The following NRG3 variants were observed in gnomAD, a reference collection of about 807,000 sequenced individuals.
NRG3 encodes the protein pro-neuregulin-3, membrane-bound isoform.
In NRG3, 31 loss-of-function variants were observed where a neutral mutation model predicts 66.9. That is an observed-to-expected ratio of 0.46 (90% CI 0.35 to 0.63). The LOEUF (loss-of-function observed/expected upper bound fraction) is 0.63. Among genes scored for constraint, NRG3 ranks in the 20% least tolerant of loss-of-function variants. NRG3 has a pLI of 0.00. For synonymous variants in NRG3, 393 were observed against 359.4 expected, an observed-to-expected ratio of 1.09 and a Z score of -1.06; for missense variants, 910 against 878.9, an observed-to-expected ratio of 1.04 and a Z score of -0.45.
chr10:82,917,757 G>C (rs1454506274), intron 4 of NRG3, among the ~76,000 whole-genome samples: 1 of 151,900 alleles, frequency 6.6e-6, no homozygotes, highest in East Asian at 1.9e-4. Flanking sequence ...TTGGAGCTAG[G>C]AGCTTGGCTG....
chr10:82,121,868 G>A (rs1039995764), intron 1 of NRG3, among the ~76,000 whole-genome samples: 1 of 151,934 alleles, frequency 6.6e-6, no homozygotes, highest in Non-Finnish European at 1.5e-5. Flanking sequence ...AAACCCCTGG[G>A]CTCCAGCAAT....
chr10:82,442,153 C>T (rs1438069882), intron 2 of NRG3, among the ~76,000 whole-genome samples: 2 of 152,142 alleles, frequency 1.3e-5, no homozygotes, highest in East Asian at 1.9e-4. Flanking sequence ...ATGTGAATTA[C>T]CTTTCCTTCT....
chr10:82,692,249 C>T (rs1565207889), intron 2 of NRG3, among the ~76,000 whole-genome samples: 1 of 85,440 alleles, frequency 1.2e-5, no homozygotes, highest in Non-Finnish European at 2.8e-5. Context: ...GAGATTCCAT[C>T]TCAAAAAAAA....
chr10:82,855,496 C>T (rs1270123643), intron 3 of NRG3, among the ~76,000 whole-genome samples: 1 of 152,096 alleles, frequency 6.6e-6, no homozygotes, highest in Non-Finnish European at 1.5e-5. Flanking sequence ...TTCCCAGGCT[C>T]AAGCCATCCT....
chr10:82,096,512 A>G (rs1408685601), intron 1 of NRG3, among the ~76,000 whole-genome samples: 1 of 152,042 alleles, frequency 6.6e-6, no homozygotes, highest in Non-Finnish European at 1.5e-5. Context: ...CAACCACAAA[A>G]AAAACATGAA....
intron 2 of NRG3, among the ~76,000 whole-genome samples, chr10:82,363,868 A>G (rs1006598292): frequency 1.3e-5 from 2 of 152,226 alleles, no homozygotes; most frequent in Non-Finnish European, 2.9e-5. Flanking sequence ...TATATAAATT[A>G]GAATATATTT....
At chr10:82,663,367 GACAA>G (rs1415744040) in intron 2 of NRG3, among the ~76,000 whole-genome samples, 2 of 152,188 alleles carry the variant, frequency 1.3e-5, no homozygotes, top group African/African-American at 4.8e-5. Flanking sequence ...TTTTGTATGA[GACAA>G]ACAAAAGCAC....
chr10:82,565,552 C>T (rs1196474918), intron 2 of NRG3, among the ~76,000 whole-genome samples: 1 of 152,026 alleles, frequency 6.6e-6, no homozygotes, highest in African/African-American at 2.4e-5. Context: ...TCCAGTGGCC[C>T]ACTTTATGCA....
chr10:82,626,468 C>T (rs922669197), intron 2 of NRG3, among the ~76,000 whole-genome samples: 6 of 152,018 alleles, frequency 3.9e-5, no homozygotes, highest in African/African-American at 1.2e-4. Context: ...TGAAATCACC[C>T]ACATATTGTG....
At chr10:82,029,290 T>A (rs2132858860) in intron 1 of NRG3, among the ~76,000 whole-genome samples, 1 of 152,218 alleles carries the variant, frequency 6.6e-6, no homozygotes, top group South Asian at 2.1e-4. Context: ...TTTAGTTAAC[T>A]TTTCTCTGAA....
chr10:82,564,603 A>G (rs2045270552), intron 2 of NRG3, among the ~76,000 whole-genome samples: 1 of 152,070 alleles, frequency 6.6e-6, no homozygotes, highest in Non-Finnish European at 1.5e-5. Flanking sequence ...TCTTTGAACC[A>G]TAGAGAAAGA....
At chr10:82,276,243 CAA>C (rs1255029455) in intron 1 of NRG3, among the ~76,000 whole-genome samples, 2 of 151,914 alleles carry the variant, frequency 1.3e-5, no homozygotes, top group African/African-American at 4.8e-5. Context: ...AAATACACTA[CAA>C]ATACCTGTTC....
intron 3 of NRG3, among the ~76,000 whole-genome samples, chr10:82,782,080 G>T (rs1164808473): frequency 6.6e-6 from 1 of 152,016 alleles, no homozygotes; most frequent in Non-Finnish European, 1.5e-5. Flanking sequence ...TACTCTCTTT[G>T]CTTGAAACAC....
chr10:82,646,740 T>C (rs2050961421), intron 2 of NRG3, among the ~76,000 whole-genome samples: 1 of 152,012 alleles, frequency 6.6e-6, no homozygotes, highest in Non-Finnish European at 1.5e-5. Context: ...AAGGCACTGA[T>C]TGGTGTTAAG....
At chr10:82,928,601 G>A (rs1307814781) in intron 4 of NRG3, among the ~76,000 whole-genome samples, 1 of 119,652 alleles carries the variant, frequency 8.4e-6, no homozygotes, top group African/African-American at 3.2e-5. Flanking sequence ...ATCTATTTCA[G>A]GGATCAGCAG....
intron 2 of NRG3, among the ~76,000 whole-genome samples, chr10:82,562,156 C>T (rs1306990297): frequency 6.6e-6 from 1 of 152,176 alleles, no homozygotes; most frequent in East Asian, 1.9e-4. Context: ...AAATTATGTG[C>T]ACAGTGCTTA....
chr10:82,640,415 G>C (rs1358338140), intron 2 of NRG3, among the ~76,000 whole-genome samples: 1 of 152,156 alleles, frequency 6.6e-6, no homozygotes, highest in Non-Finnish European at 1.5e-5. Context: ...TATTCATAAG[G>C]AATAAGTCAA....
chr10:82,965,042 G>T (rs949165710), intron 6 of NRG3, among the ~76,000 whole-genome samples: 2 of 152,152 alleles, frequency 1.3e-5, no homozygotes, highest in Non-Finnish European at 2.9e-5. Flanking sequence ...GCACTTTCAG[G>T]GGGGCCAGTT....
At chr10:82,361,073 T>C (rs2084108262) in intron 2 of NRG3, among the ~76,000 whole-genome samples, 1 of 152,240 alleles carries the variant, frequency 6.6e-6, no homozygotes, top group Non-Finnish European at 1.5e-5. Flanking sequence ...AGGGATTTTA[T>C]ATTTTTGTAG....
Sources: gnomAD v4.1 joint callset for allele counts (sites outside exome capture counted in the v4.1 genomes callset) on GRCh38, gnomAD v4.1.1 for gene constraint, MANE v1.5 for transcripts, NCBI Gene and HGNC (gene_info 2026-07-23, HGNC 2026-07-21) for gene names.